Variants in TBL1XR1 observed in about 807,000 individuals in gnomAD.
TBL1XR1 encodes F-box-like/WD repeat-containing protein TBL1XR1.
A neutral mutation model predicts 66.9 loss-of-function variants in TBL1XR1; 5 were observed. The ratio of observed to expected loss-of-function variants is 0.07; its 90% CI spans 0.04 to 0.16. The LOEUF is 0.16. Among genes scored for constraint, TBL1XR1 ranks in the 10% least tolerant of loss-of-function variants. TBL1XR1 has a pLI of 1.00. For missense variants in TBL1XR1, 238 were observed against 623.2 expected, an observed-to-expected ratio of 0.38 and a Z score of 6.58; for synonymous variants, 210 against 206.0, an observed-to-expected ratio of 1.02 and a Z score of -0.17.
Position 177,050,489 on chromosome 3 carries a change from G to C in TBL1XR1, c.549C>G (p.Leu183=), listed in dbSNP as rs1716916604. The change falls in exon 6 of 16, where the codon CTC becomes CTG. Residue 183 remains leucine, a synonymous_variant. Coordinates refer to ENST00000457928, the MANE Select transcript of TBL1XR1 (RefSeq NM_024665.7). ...FICAWNPVSD[L]LASGSGDSTA... ...TTTGAGAAACATACCCTGATGCTAG[G>C]AGATCACTAACAGGGTTCCAGGCAC... 7 of 1,613,614 alleles carry C rather than the reference G, an allele frequency of 4.3e-6. No homozygotes were observed. The highest frequency in any genetic ancestry group is 1.1e-5 in the South Asian group (1 of 91,052).
upstream of TBL1XR1, among the ~76,000 whole-genome samples, chr3:177,198,581 G>A (rs909876799): frequency 6.6e-6 from 1 of 152,148 alleles, no homozygotes; most frequent in Non-Finnish European, 1.5e-5. Flanking sequence ...AGCAAATGGG[G>A]TGGTAATCTT....
At chr3:177,177,960 C>T (rs977309347) in intron 1 of TBL1XR1, among the ~76,000 whole-genome samples, 3 of 151,976 alleles carry the variant, frequency 2.0e-5, no homozygotes, top group African/African-American at 7.3e-5. Context: ...AAAACTGCCG[C>T]GGGTGGGCAG....
intron 2 of TBL1XR1, among the ~76,000 whole-genome samples, chr3:177,097,629 A>T (rs762847382): frequency 2.8e-4 from 42 of 152,210 alleles, no homozygotes; most frequent in Non-Finnish European, 7.3e-5. Flanking sequence ...CTTTTTAAGT[A>T]GATAAGAATG....
At chr3:177,045,629 A>T (rs573118948) in intron 10 of TBL1XR1, among the ~76,000 whole-genome samples, 2 of 152,282 alleles carry the variant, frequency 1.3e-5, no homozygotes, top group African/African-American at 4.8e-5. Flanking sequence ...ACAAATACTC[A>T]GGTACCTGGA....
intron 3 of TBL1XR1, among the ~76,000 whole-genome samples, chr3:177,056,979 A>C (rs928381702): frequency 6.6e-6 from 1 of 152,188 alleles, no homozygotes; most frequent in African/African-American, 2.4e-5. Context: ...AACTGAACAT[A>C]TCACTTCTTG....
chr3:177,172,385 A>G (rs1478801785), intron 1 of TBL1XR1, among the ~76,000 whole-genome samples: 1 of 152,140 alleles, frequency 6.6e-6, no homozygotes, highest in African/African-American at 2.4e-5. Context: ...AAAAGGAACA[A>G]ATCTCCTGTA....
At chr3:177,173,866 A>C (rs1424625819) in intron 1 of TBL1XR1, among the ~76,000 whole-genome samples, 2 of 152,212 alleles carry the variant, frequency 1.3e-5, no homozygotes, top group Non-Finnish European at 2.9e-5. Context: ...ATTATTTCAA[A>C]AGTTAATATT....
chr3:177,129,597 T>C (rs1254040901), intron 1 of TBL1XR1, among the ~76,000 whole-genome samples: 1 of 152,192 alleles, frequency 6.6e-6, no homozygotes, highest in Non-Finnish European at 1.5e-5. Context: ...GATAGAGTAA[T>C]GACTGGTATA....
rs1051016908 is a variant in TBL1XR1, at chr3:177,021,576, A to C, written c.*3922T>G. The C allele has an allele frequency of 5.2e-5, 8 of 152,570 alleles. No homozygotes were observed. The highest frequency in any genetic ancestry group is 1.7e-4 in the African/African-American group (7 of 41,440). 9.5% of individuals were successfully genotyped at this position (152,570 alleles called of 1,614,324 possible). On this transcript the variant is annotated 3_prime_UTR_variant, in exon 16 of 16. Coordinates refer to ENST00000457928, the MANE Select transcript of TBL1XR1 (RefSeq NM_024665.7). ...ATCATGTTTAAAAAAAACTGATATT[A>C]AATGTGACACTTCAGAGCTACTACT...
At chr3:177,152,773 C>T (rs1731047588) in intron 1 of TBL1XR1, among the ~76,000 whole-genome samples, 1 of 152,118 alleles carries the variant, frequency 6.6e-6, no homozygotes, top group Admixed American at 6.6e-5. Context: ...TTGATTATCC[C>T]TAATTACCTT....
intron 3 of TBL1XR1, among the ~76,000 whole-genome samples, chr3:177,063,605 C>G (rs1288737976): frequency 6.6e-6 from 1 of 152,208 alleles, no homozygotes; most frequent in East Asian, 1.9e-4. Flanking sequence ...AACTTGTTTA[C>G]AAGTTACATA....
At chr3:177,064,274 C>T (rs1188014438) in intron 3 of TBL1XR1, among the ~76,000 whole-genome samples, 2 of 152,154 alleles carry the variant, frequency 1.3e-5, no homozygotes, top group Non-Finnish European at 2.9e-5. Context: ...TTCTCACCAT[C>T]CTATACCTCC....
At chr3:177,058,122 T>C (rs977775778) in intron 3 of TBL1XR1, among the ~76,000 whole-genome samples, 1 of 152,182 alleles carries the variant, frequency 6.6e-6, no homozygotes, top group Non-Finnish European at 1.5e-5. Context: ...GATGACTAGA[T>C]GAGACAAACT....
intron 2 of TBL1XR1, among the ~76,000 whole-genome samples, chr3:177,081,928 G>T (rs1363027593): frequency 6.6e-6 from 1 of 151,932 alleles, no homozygotes; most frequent in African/African-American, 2.4e-5. Context: ...GAAGACACTG[G>T]TACTAAAATT....
chr3:177,051,945 T>C (rs1717145821), intron 4 of TBL1XR1, among the ~76,000 whole-genome samples: 1 of 152,144 alleles, frequency 6.6e-6, no homozygotes, highest in Non-Finnish European at 1.5e-5. Flanking sequence ...TTCATACTAT[T>C]ATTACAGTAT....
At chr3:177,090,517 T>TTAAAA (rs1553837512) in intron 2 of TBL1XR1, among the ~76,000 whole-genome samples, 1 of 102,466 alleles carries the variant, frequency 9.8e-6, no homozygotes, top group Non-Finnish European at 1.9e-5. Flanking sequence ...CTGTCTCTAC[T>TTAAAA]AAAAAAAAAA....
intron 1 of TBL1XR1, among the ~76,000 whole-genome samples, chr3:177,187,027 C>T (rs1560278995): frequency 2.0e-5 from 3 of 151,874 alleles, no homozygotes; most frequent in African/African-American, 4.8e-5. Context: ...ATTAGCCGGG[C>T]GTGGTGGCGG....
intron 1 of TBL1XR1, among the ~76,000 whole-genome samples, chr3:177,100,225 G>A (rs1170673276): frequency 6.6e-6 from 1 of 152,176 alleles, no homozygotes; most frequent in Non-Finnish European, 1.5e-5. Context: ...CTGTGTGATA[G>A]AGACTCTGTC....
At chr3:177,114,801 C>A (rs987042917) in intron 1 of TBL1XR1, among the ~76,000 whole-genome samples, 31 of 151,348 alleles carry the variant, frequency 2.0e-4, no homozygotes, top group African/African-American at 7.3e-4. Flanking sequence ...CACAGCAAGA[C>A]CCCATCTCTA....
Sources: allele counts gnomAD v4.1 joint callset (sites outside exome capture counted in the v4.1 genomes callset), GRCh38; gene constraint gnomAD v4.1.1; transcripts MANE v1.5; gene names NCBI Gene and HGNC (gene_info 2026-07-23, HGNC 2026-07-21).